The following IL1RAPL1 variants were observed in gnomAD, a reference collection of about 807,000 sequenced individuals.
The protein encoded by IL1RAPL1 is interleukin 1 receptor accessory protein like 1.
In IL1RAPL1, 3 loss-of-function variants were observed where a neutral mutation model predicts 48.4. The observed-to-expected ratio is 0.06, with a 90% CI of 0.03 to 0.16. IL1RAPL1 has a LOEUF of 0.16. Ranked by LOEUF, IL1RAPL1 falls within the 10% of genes least tolerant of loss-of-function variation. The probability of loss-of-function intolerance (pLI) is 1.00; values close to 1 mark genes in which losing one functional copy is unlikely to be tolerated. For missense variants in IL1RAPL1, 349 were observed against 530.6 expected (o/e 0.66, Z 3.36); for synonymous variants, 185 against 187.7 (o/e 0.99, Z 0.12).
At chrX:29,954,960 A>T in intron 10 of IL1RAPL1, 142 bp from the exon 11 acceptor site, 5 of 568,027 alleles carry the variant, frequency 8.8e-6, no homozygotes, top group Non-Finnish European at 1.5e-5. Context: ...GGAAAAAAAA[A>T]TATTGCTGAC....
chrX:29,703,030 C>T (rs1247480695), intron 6 of IL1RAPL1, among the ~76,000 whole-genome samples: 1 of 112,078 alleles, frequency 8.9e-6, no homozygotes. Flanking sequence ...TTAGCATCTT[C>T]TTACCTTAAA....
At chrX:29,716,997 G>A (rs370145684) in intron 6 of IL1RAPL1, among the ~76,000 whole-genome samples, 1 of 110,239 alleles carries the variant, frequency 9.1e-6, no homozygotes, top group East Asian at 2.8e-4. Context: ...GATTCTATTT[G>A]CTATTGAATA....
intron 5 of IL1RAPL1, among the ~76,000 whole-genome samples, chrX:29,578,476 G>A (rs2147802236): frequency 8.9e-6 from 1 of 111,840 alleles, no homozygotes; most frequent in Admixed American, 9.5e-5. Flanking sequence ...GAACTATTTT[G>A]TTATGATGAT....
chrX:29,052,872 C>T (rs754352245), intron 2 of IL1RAPL1, among the ~76,000 whole-genome samples: 1 of 111,206 alleles, frequency 9.0e-6, no homozygotes, highest in South Asian at 3.8e-4. Flanking sequence ...AGGGTTTCTC[C>T]ATGTTGTTTA....
chrX:29,599,127 C>T (rs141854274), intron 5 of IL1RAPL1, among the ~76,000 whole-genome samples: 5,914 of 111,440 alleles, frequency 0.053, 153 homozygotes, highest in Middle Eastern at 0.15. Flanking sequence ...ATTGTTATAT[C>T]GGTCATGTGA....
At chrX:29,843,535 T>A (rs759627469) in intron 6 of IL1RAPL1, among the ~76,000 whole-genome samples, 1 of 111,049 alleles carries the variant, frequency 9.0e-6, no homozygotes, top group East Asian at 2.8e-4. Flanking sequence ...AACAACACAA[T>A]TTTTTTATCT....
intron 2 of IL1RAPL1, among the ~76,000 whole-genome samples, chrX:28,825,405 A>T (rs16988334): frequency 0.061 from 6,756 of 111,021 alleles, 399 homozygotes; most frequent in East Asian, 0.24. Context: ...GCATCGTGAT[A>T]CTTGGAGTAT....
chrX:28,942,254 T>C (rs1924181167), intron 2 of IL1RAPL1: 2 of 109,731 alleles, frequency 1.8e-5, no homozygotes, highest in African/African-American at 6.6e-5. Flanking sequence ...CTACTTGACC[T>C]TTTTCTTCTT....
At chrX:28,600,387 C>CT (rs1256914721) in intron 1 of IL1RAPL1, among the ~76,000 whole-genome samples, 2 of 108,843 alleles carry the variant, frequency 1.8e-5, no homozygotes, top group African/African-American at 3.4e-5. Context: ...GTGTCCTGGA[C>CT]TTCCAGAGAG....
chrX:28,739,756 C>A (rs1368563703), intron 1 of IL1RAPL1, among the ~76,000 whole-genome samples: 1 of 110,828 alleles, frequency 9.0e-6, no homozygotes, highest in Non-Finnish European at 1.9e-5. Context: ...TCTTCTTTTC[C>A]CTGGCCATAT....
At chrX:29,857,280 T>A (rs1011331386) in intron 6 of IL1RAPL1, among the ~76,000 whole-genome samples, 231 of 109,963 alleles carry the variant, frequency 2.1e-3, no homozygotes, top group African/African-American at 7.2e-3. Context: ...AACATAATAA[T>A]AAAACCCCTA....
intron 2 of IL1RAPL1, among the ~76,000 whole-genome samples, chrX:29,055,912 A>G (rs1431873056): frequency 8.9e-6 from 1 of 111,821 alleles, no homozygotes; most frequent in Non-Finnish European, 1.9e-5. Flanking sequence ...ATTTAATCAT[A>G]AAATGATTTA....
intron 6 of IL1RAPL1, among the ~76,000 whole-genome samples, chrX:29,705,004 G>T (rs1483147355): frequency 9.0e-6 from 1 of 110,994 alleles, no homozygotes; most frequent in East Asian, 2.8e-4. Context: ...TGGGCTTCTG[G>T]TATAGCCTTC....
intron 6 of IL1RAPL1, among the ~76,000 whole-genome samples, chrX:29,829,493 A>T (rs1277855023): frequency 9.1e-6 from 1 of 110,397 alleles, no homozygotes. Flanking sequence ...TGGGTATTTT[A>T]TTTTTGTTTA....
chrX:29,363,547 G>A (rs767737814), intron 3 of IL1RAPL1, among the ~76,000 whole-genome samples: 2 of 111,433 alleles, frequency 1.8e-5, no homozygotes, highest in African/African-American at 3.3e-5. Context: ...GTATTAATCC[G>A]TTCTCACATC....
chrX:28,646,500 A>G (rs1490989141), intron 1 of IL1RAPL1, among the ~76,000 whole-genome samples: 3 of 112,495 alleles, frequency 2.7e-5, no homozygotes, highest in African/African-American at 9.7e-5. Context: ...ATTCCAGATG[A>G]TAGCGCAATC....
intron 2 of IL1RAPL1, among the ~76,000 whole-genome samples, chrX:29,115,080 T>C (rs1219240743): frequency 8.9e-6 from 1 of 112,531 alleles, no homozygotes; most frequent in Non-Finnish European, 1.9e-5. Flanking sequence ...ATTTCTTCTT[T>C]TACCCATGAA....
chrX:29,221,872 G>T (rs559230768), intron 2 of IL1RAPL1, among the ~76,000 whole-genome samples: 1 of 109,958 alleles, frequency 9.1e-6, no homozygotes, highest in East Asian at 2.9e-4. Context: ...TAAGCCAGGC[G>T]TGGTGGCATG....
chrX:28,959,096 A>G (rs1387693258), intron 2 of IL1RAPL1, among the ~76,000 whole-genome samples: 1 of 111,705 alleles, frequency 9.0e-6, no homozygotes, highest in African/African-American at 3.2e-5. Context: ...TTGAAATGAA[A>G]AAGTAAGGAC....
Sources: gnomAD v4.1 joint callset for allele counts (sites outside exome capture counted in the v4.1 genomes callset) on GRCh38, gnomAD v4.1.1 for gene constraint, MANE v1.5 for transcripts, NCBI Gene and HGNC (gene_info 2026-07-23, HGNC 2026-07-21) for gene names.